LINGO2: variants seen among roughly 807,000 people sequenced by gnomAD.
LINGO2 encodes leucine rich repeat and Ig domain containing 2.
In LINGO2, 14 loss-of-function variants were observed where a neutral mutation model predicts 30.6. The observed-to-expected ratio is 0.46, with a 90% CI of 0.30 to 0.72. The LOEUF (loss-of-function observed/expected upper bound fraction) is 0.72, where lower values mean the gene tolerates loss of function less well. Among genes scored for constraint, LINGO2 ranks in the 30% least tolerant of loss-of-function variants. LINGO2 has a pLI of 0.07. For synonymous variants in LINGO2, 317 were observed against 288.5 expected (o/e 1.10, Z -1.00); for missense variants, 729 against 751.7 (o/e 0.97, Z 0.35).
At chr9:28,008,904 T>C (rs1036671212) in intron 5 of LINGO2, among the ~76,000 whole-genome samples, 2 of 152,058 alleles carry the variant, frequency 1.3e-5, no homozygotes, top group East Asian at 1.9e-4. Flanking sequence ...TTTGCAGAAA[T>C]AGAAAAGCTG....
At chr9:28,227,882 C>T (rs1391673870) in intron 4 of LINGO2, among the ~76,000 whole-genome samples, 1 of 152,074 alleles carries the variant, frequency 6.6e-6, no homozygotes, top group Non-Finnish European at 1.5e-5. Flanking sequence ...GAAATGCAAA[C>T]TTGCCCTTTC....
intron 2 of LINGO2, among the ~76,000 whole-genome samples, chr9:28,427,600 TAA>T (rs1419088917): frequency 2.6e-5 from 4 of 152,166 alleles, no homozygotes; most frequent in African/African-American, 9.6e-5. Flanking sequence ...TGTCTCATTC[TAA>T]AATCTAGGCT....
the LINGO2 span, among the ~76,000 whole-genome samples, chr9:29,142,832 G>A: frequency 1.2e-4 from 18 of 151,928 alleles, no homozygotes; most frequent in East Asian, 1.9e-4. Flanking sequence ...AATAAAAAGC[G>A]TCCATTGAGA....
chr9:28,702,774 C>T, the LINGO2 span, among the ~76,000 whole-genome samples: 23 of 151,702 alleles, frequency 1.5e-4, no homozygotes, highest in Non-Finnish European at 2.5e-4. Flanking sequence ...TATTGCTTTC[C>T]GTTTTAGATC....
intron 2 of LINGO2, among the ~76,000 whole-genome samples, chr9:28,449,962 G>A (rs1033882195): frequency 6.6e-6 from 1 of 151,878 alleles, no homozygotes; most frequent in Non-Finnish European, 1.5e-5. Flanking sequence ...CAGGAAGGAG[G>A]GAGTGCTAGA....
At chr9:28,176,672 T>C (rs995092161) in intron 4 of LINGO2, among the ~76,000 whole-genome samples, 1 of 152,226 alleles carries the variant, frequency 6.6e-6, no homozygotes, top group Non-Finnish European at 1.5e-5. Context: ...TTATTATTTC[T>C]ATATTGAAGA....
rs527829183 is a variant in LINGO2, at chr9:28,500,135, T to G, written c.-364-24110A>C. Among the ~76,000 whole-genome samples, 109 of 152,312 alleles carry G rather than the reference T, an allele frequency of 7.2e-4. 1 individual carries two copies. The highest frequency in any genetic ancestry group is 3.8e-3 in the Admixed American group (58 of 15,298). On this transcript the variant is annotated intron_variant, in intron 1 of 5. Coordinates refer to ENST00000379992, the Ensembl canonical transcript of LINGO2. Reference sequence around the variant, plus strand: ...ATCTTTTGGTAACAGGGTAAAACTCTGAATAGAGCCACTGTGTGGGTCTTC... The same window carrying G: ...ATCTTTTGGTAACAGGGTAAAACTCGGAATAGAGCCACTGTGTGGGTCTTC...
chr9:28,880,162 G>A, the LINGO2 span, among the ~76,000 whole-genome samples: 1 of 152,188 alleles, frequency 6.6e-6, no homozygotes, highest in Non-Finnish European at 1.5e-5. Context: ...AGGCTGGAGT[G>A]CAGTGGCACG....
At chr9:28,984,094 C>T in the LINGO2 span, among the ~76,000 whole-genome samples, 1 of 152,076 alleles carries the variant, frequency 6.6e-6, no homozygotes, top group Non-Finnish European at 1.5e-5. Context: ...ACTCTCTTCT[C>T]ATTTTATCCT....
At chr9:28,549,853 A>G (rs1822181352) in intron 1 of LINGO2, among the ~76,000 whole-genome samples, 1 of 151,714 alleles carries the variant, frequency 6.6e-6, no homozygotes, top group African/African-American at 2.4e-5. Flanking sequence ...ACTCTTTAAT[A>G]GTTCTCGAAA....
the LINGO2 span, among the ~76,000 whole-genome samples, chr9:28,897,942 T>C: frequency 6.6e-6 from 1 of 152,112 alleles, no homozygotes; most frequent in Non-Finnish European, 1.5e-5. Context: ...TTGGATCCAA[T>C]GTTAGTATCT....
intron 5 of LINGO2, among the ~76,000 whole-genome samples, chr9:28,000,263 A>G (rs962068470): frequency 4.6e-5 from 7 of 152,206 alleles, no homozygotes; most frequent in African/African-American, 1.4e-4. Context: ...ACTTGAAATA[A>G]GTTTTCCCAC....
the LINGO2 span, among the ~76,000 whole-genome samples, chr9:28,760,620 T>C: frequency 2.2e-4 from 33 of 151,988 alleles, no homozygotes; most frequent in Non-Finnish European, 3.7e-4. Context: ...GCAGTGTACA[T>C]TGCACCATAT....
intron 1 of LINGO2, among the ~76,000 whole-genome samples, chr9:28,614,546 A>C (rs752493292): frequency 9.2e-5 from 14 of 152,138 alleles, no homozygotes; most frequent in Non-Finnish European, 1.9e-4. Flanking sequence ...ATATCCATGA[A>C]ATAAGTTGAT....
chr9:28,675,427 A>G, the LINGO2 span, among the ~76,000 whole-genome samples: 1 of 152,180 alleles, frequency 6.6e-6, no homozygotes, highest in Non-Finnish European at 1.5e-5. Context: ...CAAGTTCTAA[A>G]TAAAAGCTTG....
intron 1 of LINGO2, among the ~76,000 whole-genome samples, chr9:28,628,150 A>G (rs1359341389): frequency 6.6e-6 from 1 of 152,118 alleles, no homozygotes; most frequent in East Asian, 1.9e-4. Context: ...CAGAAGAATC[A>G]TCTCAAAACC....
At position 28,044,413 on chromosome 9, in the gene LINGO2, G is replaced by C. The variant is rs565324876; in HGVS notation, c.-86-32008C>G. 2.6e-5 allele frequency among the ~76,000 whole-genome samples: 4 copies of C among 152,290 alleles called. No individual in the cohort carries two copies. The East Asian group carries it at 7.7e-4, about 29-fold the overall frequency. On this transcript the variant is annotated intron_variant, in intron 4 of 5. Transcript: ENST00000379992. Reference sequence around the variant, plus strand: ...CTTTTTCTTCAGGGAAGGAGACAGTGGGGGCTGCCCCATGCATCATGGATC... The same window carrying C: ...CTTTTTCTTCAGGGAAGGAGACAGTCGGGGCTGCCCCATGCATCATGGATC...
chr9:28,896,080 A>C, the LINGO2 span, among the ~76,000 whole-genome samples: 2 of 152,306 alleles, frequency 1.3e-5, no homozygotes, highest in African/African-American at 4.8e-5. Context: ...AACATTTAAA[A>C]GACAAGGAAG....
intron 4 of LINGO2, among the ~76,000 whole-genome samples, chr9:28,292,944 T>C (rs1329976537): frequency 6.6e-6 from 1 of 151,834 alleles, no homozygotes; most frequent in Non-Finnish European, 1.5e-5. Flanking sequence ...ATAACTTTTT[T>C]TGTATTTTTA....
Sources: allele counts gnomAD v4.1 joint callset (sites outside exome capture counted in the v4.1 genomes callset), GRCh38; gene constraint gnomAD v4.1.1; transcripts MANE v1.5; gene names NCBI Gene and HGNC (gene_info 2026-07-23, HGNC 2026-07-21).